PDE7B: variants seen among roughly 807,000 people sequenced by gnomAD.
PDE7B encodes phosphodiesterase 7B, also known as 3',5'-cyclic-AMP phosphodiesterase 7B.
PDE7B carries 29 observed loss-of-function variants against 56.2 expected under a neutral mutation model. That is an observed-to-expected ratio of 0.52 (90% CI 0.38 to 0.70). The LOEUF (loss-of-function observed/expected upper bound fraction) is 0.70. Ranked by LOEUF, PDE7B falls within the 30% of genes least tolerant of loss-of-function variation. The pLI is 0.00. For synonymous variants in PDE7B, 197 were observed against 196.9 expected (o/e 1.00, Z 0.00); for missense variants, 490 against 565.0 (o/e 0.87, Z 1.35).
chr6:135,893,196 T>A (rs909960968), intron 1 of PDE7B, among the ~76,000 whole-genome samples: 23 of 150,772 alleles, frequency 1.5e-4, no homozygotes, highest in Non-Finnish European at 3.1e-4. Context: ...TTAGGTATAT[T>A]TCCTAATGCT....
chr6:136,070,001 T>C (rs1376570860), intron 2 of PDE7B, among the ~76,000 whole-genome samples: 2 of 152,044 alleles, frequency 1.3e-5, no homozygotes, highest in African/African-American at 2.4e-5. Context: ...AACTGATAAA[T>C]ATCAAAAAAT....
chr6:135,961,286 T>C (rs1222193123), intron 2 of PDE7B, among the ~76,000 whole-genome samples: 1 of 144,526 alleles, frequency 6.9e-6, no homozygotes, highest in African/African-American at 2.7e-5. Flanking sequence ...TGTGTATGTG[T>C]GTGTGTGTGT....
intron 1 of PDE7B, among the ~76,000 whole-genome samples, chr6:135,865,269 C>A (rs944191748): frequency 1.3e-5 from 2 of 152,096 alleles, no homozygotes; most frequent in African/African-American, 4.8e-5. Context: ...TACCTTCAAT[C>A]TCTTTGTTCT....
At chr6:135,875,794 G>A (rs920648286) in intron 1 of PDE7B, among the ~76,000 whole-genome samples, 2 of 152,078 alleles carry the variant, frequency 1.3e-5, no homozygotes, top group African/African-American at 4.8e-5. Flanking sequence ...CTAGGTTTTC[G>A]TTATTTTTTC....
At chr6:136,155,070 GTC>G (rs942584930) in intron 7 of PDE7B, among the ~76,000 whole-genome samples, 18 of 152,182 alleles carry the variant, frequency 1.2e-4, no homozygotes, top group African/African-American at 4.1e-4. Context: ...GGATTCCCGT[GTC>G]TCTGCTTATT....
At chr6:136,123,702 C>T (rs1287122144) in intron 3 of PDE7B, among the ~76,000 whole-genome samples, 1 of 152,226 alleles carries the variant, frequency 6.6e-6, no homozygotes, top group African/African-American at 2.4e-5. Context: ...CATGACTTCT[C>T]AGAATCTTAG....
At chr6:136,059,650 C>T (rs1776802778) in intron 2 of PDE7B, among the ~76,000 whole-genome samples, 1 of 152,180 alleles carries the variant, frequency 6.6e-6, no homozygotes, top group African/African-American at 2.4e-5. Flanking sequence ...ATTATGCAAA[C>T]TCCAAGAACG....
At chr6:136,158,597 A>G (rs1249645607) in intron 8 of PDE7B, among the ~76,000 whole-genome samples, 1 of 152,184 alleles carries the variant, frequency 6.6e-6, no homozygotes, top group African/African-American at 2.4e-5. Flanking sequence ...CTGTTATTCT[A>G]CCCTGAGATA....
chr6:135,853,544 A>T (rs1774973300), intron 1 of PDE7B, among the ~76,000 whole-genome samples: 1 of 152,204 alleles, frequency 6.6e-6, no homozygotes, highest in Admixed American at 6.5e-5. Context: ...CAATAAAATG[A>T]AGTCACTTTT....
chr6:136,146,764 A>C (rs1382563195), intron 3 of PDE7B, among the ~76,000 whole-genome samples: 1 of 152,218 alleles, frequency 6.6e-6, no homozygotes, highest in Non-Finnish European at 1.5e-5. Flanking sequence ...TGTGAATTTC[A>C]CTTAGCATAC....
chr6:135,915,483 T>G (rs1456527373), intron 1 of PDE7B, among the ~76,000 whole-genome samples: 2 of 152,248 alleles, frequency 1.3e-5, no homozygotes, highest in African/African-American at 4.8e-5. Context: ...GCTATTCCTG[T>G]AGGCAAGTCT....
intron 1 of PDE7B, among the ~76,000 whole-genome samples, chr6:135,932,535 C>A (rs1478446963): frequency 6.6e-6 from 1 of 152,066 alleles, no homozygotes; most frequent in African/African-American, 2.4e-5. Flanking sequence ...GAAGGGGAGG[C>A]AAACATTGAA....
rs1329739981 is a variant in PDE7B at position 136,149,133 on chromosome 6, T to G, written c.365T>G (p.Phe122Cys). 1 of 1,609,896 alleles carries G rather than the reference T, an allele frequency of 6.2e-7. No individual in the cohort carries two copies. Among genetic ancestry groups the G allele is most frequent in the Non-Finnish European group, 8.5e-7 (1 of 1,176,290 alleles). The change falls in exon 5 of 13, where the codon TTT becomes TGT. Residue 122 changes from phenylalanine to cysteine, a missense_variant. Transcript: ENST00000308191. ...ATGTGGGATTTTGACATTTTCTTGTTTGATCGCTTGACAAATGGTAAGTTA... is the reference window on the plus strand; with the variant it reads ...ATGTGGGATTTTGACATTTTCTTGTGTGATCGCTTGACAAATGGTAAGTTA... Reference protein sequence around the residue: ...VGMWDFDIFLFDRLTNGNSLV... With the variant: ...VGMWDFDIFLCDRLTNGNSLV...
At chr6:136,111,743 C>T (rs952064902) in intron 3 of PDE7B, among the ~76,000 whole-genome samples, 3 of 152,264 alleles carry the variant, frequency 2.0e-5, no homozygotes, top group Non-Finnish European at 2.9e-5. Flanking sequence ...GGGATTTTCT[C>T]GTAGAACTTT....
Position 136,009,469 on chromosome 6 carries a change from A to G in PDE7B, c.82+61945A>G, listed in dbSNP as rs191296767. The stretch of plus-strand genomic sequence containing the variant: ...ATATTGATTCTTCCTACTCATGAGC[A>G]TGGAATGTTCTTCCATTTGTCTGTA... On this transcript the variant is annotated intron_variant, in intron 2 of 12. Coordinates refer to ENST00000308191, the MANE Select transcript of PDE7B (RefSeq NM_018945.4). 5.1e-4 allele frequency among the ~76,000 whole-genome samples: 77 copies of G among 152,226 alleles called. 1 individual carries two copies. Among genetic ancestry groups the G allele is most frequent in the African/African-American group, 1.8e-3 (73 of 41,520 alleles).
At chr6:135,971,432 C>T (rs577023916) in intron 2 of PDE7B, among the ~76,000 whole-genome samples, 8 of 152,128 alleles carry the variant, frequency 5.3e-5, no homozygotes, top group Admixed American at 1.3e-4. Flanking sequence ...AATATAGTAG[C>T]GGGAAAGAGA....
At chr6:135,928,534 CA>C (rs1774240244) in intron 1 of PDE7B, among the ~76,000 whole-genome samples, 1 of 90,266 alleles carries the variant, frequency 1.1e-5, no homozygotes, top group South Asian at 3.4e-4. Context: ...TATATACACA[CA>C]CACACACATA....
intron 2 of PDE7B, among the ~76,000 whole-genome samples, chr6:136,097,137 G>T (rs190296135): frequency 6.6e-6 from 1 of 151,994 alleles, no homozygotes; most frequent in Non-Finnish European, 1.5e-5. Context: ...TTCACTTCTC[G>T]CTCATTTCCT....
At chr6:135,872,740 A>C (rs1775409467) in intron 1 of PDE7B, among the ~76,000 whole-genome samples, 1 of 152,190 alleles carries the variant, frequency 6.6e-6, no homozygotes, top group African/African-American at 2.4e-5. Context: ...CTATTATGGA[A>C]ATTTTGTCTG....
Sources: gnomAD v4.1 joint callset for allele counts (sites outside exome capture counted in the v4.1 genomes callset) on GRCh38, gnomAD v4.1.1 for gene constraint, MANE v1.5 for transcripts, NCBI Gene and HGNC (gene_info 2026-07-23, HGNC 2026-07-21) for gene names.